PRDM16: variants seen among roughly 807,000 people sequenced by gnomAD.
The protein encoded by PRDM16 is PR/SET domain 16.
Under a neutral mutation model 110.6 loss-of-function variants are expected in PRDM16, and 23 were observed. The observed-to-expected ratio is 0.21, with a 90% confidence interval of 0.15 to 0.29. PRDM16 has a LOEUF of 0.29. Ranked by LOEUF, PRDM16 falls within the 10% of genes least tolerant of loss-of-function variation. The pLI, the probability that PRDM16 is intolerant of heterozygous loss-of-function variation, is 1.00. For synonymous variants in PRDM16, 799 were observed against 781.8 expected (o/e 1.02, Z -0.37); for missense variants, 1,615 against 1,794.3 (o/e 0.90, Z 1.81).
At chr1:3,163,519 G>A (rs905303983) in intron 1 of PRDM16, among the ~76,000 whole-genome samples, 4 of 152,318 alleles carry the variant, frequency 2.6e-5, no homozygotes, top group Admixed American at 1.3e-4. Flanking sequence ...AAACCCACGC[G>A]GCGTTAGCTT....
At chr1:3,301,490 T>C (rs944272068) in intron 3 of PRDM16, among the ~76,000 whole-genome samples, 2 of 152,218 alleles carry the variant, frequency 1.3e-5, no homozygotes, top group Non-Finnish European at 2.9e-5. Flanking sequence ...AAGTGACTCC[T>C]TTATTAAACC....
rs1557508966 is a variant in PRDM16, at chr1:3,181,391, T to TAC, written c.38-4733_38-4732dup. Among the ~76,000 whole-genome samples, 34 of 9,516 alleles carry TAC rather than the reference T, an allele frequency of 3.6e-3. 1 individual carries two copies. Among genetic ancestry groups the TAC allele is most frequent in the Middle Eastern group, 0.12 (1 of 8 alleles). The allele number at this position is 9,516 out of a possible 152,430, so 6.2% of individuals were successfully genotyped here. A position where few individuals can be genotyped will look rare whatever the true frequency, so the allele number is the denominator to read the frequency against. On this transcript the variant is annotated intron_variant, in intron 1 of 16. Transcript: ENST00000270722. The stretch of plus-strand genomic sequence containing the variant: ...ACACACGCAGTCTTACACACGGCCT[T>TAC]ACGCATGGTCTTACACACGCAGTCT...
At chr1:3,232,607 G>A (rs911360461) in intron 2 of PRDM16, among the ~76,000 whole-genome samples, 1 of 152,182 alleles carries the variant, frequency 6.6e-6, no homozygotes, top group African/African-American at 2.4e-5. Flanking sequence ...CATGACAAGC[G>A]AGGATGAGAG....
chr1:3,386,503 G>T (rs866564305), intron 4 of PRDM16, among the ~76,000 whole-genome samples: 2 of 152,214 alleles, frequency 1.3e-5, no homozygotes, highest in Non-Finnish European at 2.9e-5. Flanking sequence ...GGACAAGCTC[G>T]TTCTGGATGG....
chr1:3,146,411 C>T (rs1051756105), intron 1 of PRDM16, among the ~76,000 whole-genome samples: 5 of 152,272 alleles, frequency 3.3e-5, no homozygotes, highest in African/African-American at 1.2e-4. Flanking sequence ...TGCTGCCTTG[C>T]CATCCGTTGT....
intron 1 of PRDM16, among the ~76,000 whole-genome samples, chr1:3,095,670 C>T (rs538877180): frequency 4.7e-4 from 72 of 152,258 alleles, no homozygotes; most frequent in African/African-American, 1.6e-3. Flanking sequence ...CACCCCAAGA[C>T]GCAGCCTCAC....
At chr1:3,177,312 C>T (rs890206216) in intron 1 of PRDM16, among the ~76,000 whole-genome samples, 3 of 152,186 alleles carry the variant, frequency 2.0e-5, no homozygotes, top group Admixed American at 6.5e-5. Context: ...CTGGACATGA[C>T]GAAGGCCCTT....
intron 2 of PRDM16, among the ~76,000 whole-genome samples, chr1:3,234,705 A>G (rs1381173122): frequency 1.3e-5 from 2 of 152,182 alleles, no homozygotes; most frequent in African/African-American, 4.8e-5. Flanking sequence ...CCAGGTGAAC[A>G]TGACCATGTA....
In PRDM16 at chr1:3,159,495, C is replaced by A. The variant is rs111910020; in HGVS notation, c.38-26630C>A. On this transcript the variant is annotated intron_variant, in intron 1 of 16. Transcript: ENST00000270722. ...TGTGTCTGTGTCCTCATCTCCTCTT[C>A]ATACAAGGACACCAGTCAGATTGGA... 3.1e-3 allele frequency among the ~76,000 whole-genome samples: 465 copies of A among 152,362 alleles called. 1 individual carries two copies. Among genetic ancestry groups the A allele is most frequent in the African/African-American group, 0.01 (433 of 41,590 alleles).
intron 3 of PRDM16, among the ~76,000 whole-genome samples, chr1:3,257,746 A>G (rs1251708282): frequency 1.3e-5 from 2 of 152,130 alleles, no homozygotes; most frequent in Non-Finnish European, 2.9e-5. Flanking sequence ...GTTTGAAGAC[A>G]CTTCTCCATT....
In PRDM16 at chr1:3,216,168, T is replaced by C. The variant is rs964730364; in HGVS notation, c.388-27919T>C. On this transcript the variant is annotated intron_variant, in intron 2 of 16. Transcript: ENST00000270722. The stretch of plus-strand genomic sequence containing the variant: ...TGGCCCCCTGACAAAGGCCACACTC[T>C]CTTTCCATGGGAAAAATGTTTCCAC... 2.6e-4 allele frequency among the ~76,000 whole-genome samples: 39 copies of C among 152,170 alleles called. 1 individual carries two copies. The highest frequency in any genetic ancestry group is 7.3e-5 in the Non-Finnish European group (5 of 68,030).
chr1:3,346,644 A>G (rs1349243074), intron 3 of PRDM16, among the ~76,000 whole-genome samples: 1 of 149,600 alleles, frequency 6.7e-6, no homozygotes, highest in Non-Finnish European at 1.5e-5. Flanking sequence ...CCCACCCCTC[A>G]CTCCTCCAAG....
intron 1 of PRDM16, among the ~76,000 whole-genome samples, chr1:3,136,590 A>T (rs1189998263): frequency 6.6e-6 from 1 of 152,086 alleles, no homozygotes; most frequent in African/African-American, 2.4e-5. Flanking sequence ...ACTCTAAGGG[A>T]GTGGAGCCGC....
intron 2 of PRDM16, among the ~76,000 whole-genome samples, chr1:3,198,237 C>T (rs1638530373): frequency 6.6e-6 from 1 of 152,194 alleles, no homozygotes; most frequent in East Asian, 1.9e-4. Flanking sequence ...CCTTAAGGGG[C>T]CAGGTCGGCG....
At chr1:3,283,906 C>T (rs542442891) in intron 3 of PRDM16, among the ~76,000 whole-genome samples, 126 of 152,352 alleles carry the variant, frequency 8.3e-4, no homozygotes, top group Middle Eastern at 3.4e-3. Context: ...GGTGCCTCCG[C>T]GGGAGGAATG....
chr1:3,220,359 C>T (rs1387572634), intron 2 of PRDM16, among the ~76,000 whole-genome samples: 1 of 152,190 alleles, frequency 6.6e-6, no homozygotes, highest in African/African-American at 2.4e-5. Context: ...AGACTCACGC[C>T]CAGGGCCAAT....
At chr1:3,236,562 G>C (rs911510448) in intron 2 of PRDM16, among the ~76,000 whole-genome samples, 1 of 152,216 alleles carries the variant, frequency 6.6e-6, no homozygotes, top group African/African-American at 2.4e-5. Flanking sequence ...CCCCACGCCG[G>C]TGGGTGCCTG....
At chr1:3,392,284 T>C (rs891573524) in intron 4 of PRDM16, among the ~76,000 whole-genome samples, 5 of 152,352 alleles carry the variant, frequency 3.3e-5, no homozygotes, top group African/African-American at 7.2e-5. Flanking sequence ...TGGTGAGCGA[T>C]TGAGTTTTTT....
chr1:3,188,443 C>T (rs1050813776), intron 2 of PRDM16, among the ~76,000 whole-genome samples: 2 of 152,206 alleles, frequency 1.3e-5, no homozygotes, highest in Non-Finnish European at 2.9e-5. Context: ...TGCGCCACTG[C>T]CTGCCGGTGC....
Sources: gnomAD v4.1 joint callset for allele counts (sites outside exome capture counted in the v4.1 genomes callset) on GRCh38, gnomAD v4.1.1 for gene constraint, MANE v1.5 for transcripts, NCBI Gene and HGNC (gene_info 2026-07-23, HGNC 2026-07-21) for gene names.